Variants in RP1 observed in about 807,000 individuals in gnomAD.
RP1 encodes the protein RP1 axonemal microtubule associated.
A neutral mutation model predicts 14.8 loss-of-function variants in RP1; 16 were observed. That is an observed-to-expected ratio of 1.08 (90% confidence interval 0.73 to 1.65). The LOEUF (loss-of-function observed/expected upper bound fraction) is 1.65, where lower values mean the gene tolerates loss of function less well. RP1 is among the 40% of genes most tolerant of loss of function. The pLI is 0.00. For missense variants in RP1, 2,631 were observed against 2,535.0 expected (o/e 1.04, Z -0.81); for synonymous variants, 876 against 883.6 (o/e 0.99, Z 0.15).
At chr8:54,841,855 G>A (rs1313405164) in intron 25 of RP1, among the ~76,000 whole-genome samples, 4 of 152,160 alleles carry the variant, frequency 2.6e-5, no homozygotes, top group Non-Finnish European at 5.9e-5. Context: ...AAAAGAAGGT[G>A]AGGTTCGAGG....
intron 24 of RP1, among the ~76,000 whole-genome samples, chr8:54,827,303 A>G (rs371558953): frequency 1.3e-5 from 2 of 151,636 alleles, no homozygotes; most frequent in East Asian, 3.9e-4. Context: ...ATTGTACAGC[A>G]GTACAAAAAT....
At chr8:54,827,876 C>T (rs931971206) in intron 24 of RP1, among the ~76,000 whole-genome samples, 1 of 150,278 alleles carries the variant, frequency 6.7e-6, no homozygotes, top group Non-Finnish European at 1.5e-5. Flanking sequence ...CCAGCTTGGG[C>T]GACAAGAGCA....
chr8:54,794,426 C>CATTTGTCAATATTTGACAAT (rs1810535338), intron 24 of RP1, among the ~76,000 whole-genome samples: 1 of 150,768 alleles, frequency 6.6e-6, no homozygotes, highest in African/African-American at 2.4e-5. Context: ...CATATACGAC[C>CATTTGTCAATATTTGACAAT]GTTTGTCAAT....
intron 5 of RP1, among the ~76,000 whole-genome samples, chr8:54,653,551 A>G (rs1258294379): frequency 6.6e-6 from 1 of 152,212 alleles, no homozygotes; most frequent in Admixed American, 6.5e-5. Context: ...GAGTTTTAAC[A>G]TGTGGAAGAA....
At chr8:54,857,328 T>G (rs1487754430) in intron 27 of RP1, among the ~76,000 whole-genome samples, 2 of 147,616 alleles carry the variant, frequency 1.4e-5, no homozygotes, top group African/African-American at 2.5e-5. Flanking sequence ...TATAATATAT[T>G]TATAGAATAT....
rs183312293 is a variant in RP1, at chr8:54,798,980, A to G, written c.3615+15270A>G. Among the ~76,000 whole-genome samples the G allele has an allele frequency of 4.4e-3, 673 of 152,084 alleles. 5 individuals are homozygous for G. The highest frequency in any genetic ancestry group is 7.2e-3 in the Admixed American group (110 of 15,280). On this transcript the variant is annotated intron_variant, in intron 24 of 28. Coordinates refer to the RP1 transcript ENST00000637698. ...AAAAAATGTTAATATTTTATATACA[A>G]TTATTATATTCAGCTTTTTTGGATT...
chr8:54,773,512 C>T (rs183617694), downstream of RP1, among the ~76,000 whole-genome samples: 167 of 152,184 alleles, frequency 1.1e-3, no homozygotes, highest in African/African-American at 3.9e-3. Context: ...TAGTGCATGC[C>T]TGTAATCCCA....
In RP1 at chr8:54,865,906, CT is replaced by C; in HGVS notation, c.4142del (p.Leu1381HisfsTer6). ...AGACAGCAGTGAAGAGGTGCTGTTTCTATGCAACAGGTATGCTCTTAATGCA... is the reference window on the plus strand; with the variant it reads ...AGACAGCAGTGAAGAGGTGCTGTTTCATGCAACAGGTATGCTCTTAATGCA... On this transcript the variant is annotated frameshift_variant, in exon 28 of 29. Coordinates refer to the RP1 transcript ENST00000637698. LOFTEE classifies it low-confidence loss of function (END_TRUNC). The C allele has an allele frequency of 8.2e-7, 1 of 1,221,560 alleles. No individual in the cohort carries two copies. 75.7% of individuals were successfully genotyped at this position (1,221,560 alleles called of 1,614,324 possible).
At chr8:54,650,519 A>G (rs185062343) in intron 4 of RP1, among the ~76,000 whole-genome samples, 2 of 152,306 alleles carry the variant, frequency 1.3e-5, no homozygotes, top group East Asian at 1.9e-4. Context: ...TTATTCAACA[A>G]TCACTATCTA....
chr8:54,633,710 C>CCA (rs1554520291), downstream of RP1, among the ~76,000 whole-genome samples: 1 of 118,532 alleles, frequency 8.4e-6, no homozygotes, highest in Non-Finnish European at 1.7e-5. Context: ...TTATTTTGTG[C>CCA]CTCTCTCTCT....
At chr8:54,828,910 G>A (rs1398920780) in intron 24 of RP1, among the ~76,000 whole-genome samples, 1 of 11,502 alleles carries the variant, frequency 8.7e-5, no homozygotes, top group African/African-American at 4.0e-4. Context: ...TTTTTTTTTT[G>A]AGATGGAGTC....
At chr8:54,631,515 A>C (rs899195128), downstream of RP1, among the ~76,000 whole-genome samples, 3 of 151,932 alleles carry the variant, frequency 2.0e-5, no homozygotes, top group Non-Finnish European at 4.4e-5. Context: ...AAGCACTGTG[A>C]ATGTGGCTTT....
At chr8:54,844,397 G>T (rs1811863918) in intron 25 of RP1, among the ~76,000 whole-genome samples, 1 of 152,132 alleles carries the variant, frequency 6.6e-6, no homozygotes, top group East Asian at 1.9e-4. Flanking sequence ...TCTGGTTAGG[G>T]TCCTAATTAA....
intron 3 of RP1, among the ~76,000 whole-genome samples, chr8:54,647,496 G>A (rs1806573694): frequency 6.6e-6 from 1 of 151,778 alleles, no homozygotes; most frequent in African/African-American, 2.4e-5. Context: ...TTTAAATCTA[G>A]CCTTTGGTTA....
chr8:54,792,664 A>G (rs573947481), intron 24 of RP1, among the ~76,000 whole-genome samples: 114 of 152,060 alleles, frequency 7.5e-4, no homozygotes, highest in Non-Finnish European at 1.4e-3. Flanking sequence ...AAAATACAAC[A>G]TACCAAAACT....
intron 24 of RP1, among the ~76,000 whole-genome samples, chr8:54,806,905 G>T (rs559315337): frequency 6.6e-6 from 1 of 152,296 alleles, no homozygotes; most frequent in South Asian, 2.1e-4. Context: ...AAAATAAGCT[G>T]AGAGTGCATC....
At chr8:54,663,585 A>G in intron 6 of RP1, 2 of 1,010,478 alleles carry the variant, frequency 2.0e-6, no homozygotes, top group Non-Finnish European at 2.7e-6. Context: ...GGTTTCTGGC[A>G]TCCACTGGGG....
At chr8:54,805,973 A>G (rs1279165746) in intron 24 of RP1, among the ~76,000 whole-genome samples, 3 of 151,992 alleles carry the variant, frequency 2.0e-5, no homozygotes, top group Admixed American at 6.6e-5. Context: ...ACAACAGAGG[A>G]AGGTAATAAA....
chr8:54,622,084 T>C (rs201892201), intron 2 of RP1, 33 bp from the exon 3 acceptor site: 1 of 1,610,020 alleles, frequency 6.2e-7, no homozygotes, highest in Non-Finnish European at 8.5e-7. Flanking sequence ...TAAAATGTGC[T>C]CATCTCAGGA....
Sources: gnomAD v4.1 joint callset for allele counts (sites outside exome capture counted in the v4.1 genomes callset) on GRCh38, gnomAD v4.1.1 for gene constraint, MANE v1.5 for transcripts, NCBI Gene and HGNC (gene_info 2026-07-23, HGNC 2026-07-21) for gene names.